The following MAP3K1 variants were observed in gnomAD, a reference collection of about 807,000 sequenced individuals.
MAP3K1 encodes the protein MAP/ERK kinase kinase 1.
A neutral mutation model predicts 144.2 loss-of-function variants in MAP3K1; 36 were observed. The observed-to-expected ratio is 0.25, with a 90% CI of 0.19 to 0.33. MAP3K1 has a LOEUF of 0.33. Ranked by LOEUF, MAP3K1 falls within the 10% of genes least tolerant of loss-of-function variation. The pLI is 1.00. For synonymous variants in MAP3K1, 718 were observed against 688.7 expected (o/e 1.04, Z -0.67); for missense variants, 1,650 against 1,881.9 (o/e 0.88, Z 2.28).
At chr5:56,864,594 G>A in intron 3 of MAP3K1, 140 bp from the exon 4 acceptor site, 1 of 781,102 alleles carries the variant, frequency 1.3e-6, no homozygotes. Flanking sequence ...CGGATGGTCT[G>A]GATCTCCTGA....
intron 1 of MAP3K1, among the ~76,000 whole-genome samples, chr5:56,818,606 C>T (rs922318907): frequency 2.0e-5 from 3 of 152,060 alleles, no homozygotes; most frequent in Admixed American, 1.3e-4. Context: ...CTGTAAGTGG[C>T]GCCCAAGGGT....
At position 56,884,701 on chromosome 5, in the gene MAP3K1, AAGT is replaced by A. The variant is rs1561202132; in HGVS notation, c.3863_3865del (p.Val1288del). The A allele has an allele frequency of 1.2e-6, 2 of 1,613,880 alleles. No homozygotes were observed. Among genetic ancestry groups the A allele is most frequent in the Non-Finnish European group, 8.5e-7 (1 of 1,179,876 alleles). ...AGAAACACATCTTCTGAGCAAGAAG[AAGT>A]AGTAGAAGCACTAAGAGAAGAGATA... is the stretch of plus-strand genomic sequence containing the variant. On this transcript the variant is annotated inframe_deletion, in exon 16 of 20. Coordinates refer to ENST00000399503, the MANE Select transcript of MAP3K1 (RefSeq NM_005921.2).
intron 1 of MAP3K1, among the ~76,000 whole-genome samples, chr5:56,851,229 A>G (rs756735725): frequency 9.9e-5 from 15 of 152,176 alleles, no homozygotes; most frequent in South Asian, 2.1e-4. Flanking sequence ...TACAGGCATG[A>G]GCCACCGTGC....
At chr5:56,845,938 G>GTA (rs1746980092) in intron 1 of MAP3K1, among the ~76,000 whole-genome samples, 2 of 152,178 alleles carry the variant, frequency 1.3e-5, no homozygotes, top group African/African-American at 4.8e-5. Flanking sequence ...TGGATGTTCT[G>GTA]AGTTTCTCCC....
rs1028851919 is a variant in MAP3K1, at chr5:56,869,480, G to A, written c.1302-2430G>A. Among the ~76,000 whole-genome samples the A allele has an allele frequency of 4.4e-5, 3 of 68,476 alleles. No homozygotes were observed. The East Asian group carries it at 8.6e-4, about 20-fold the overall frequency. 44.9% of individuals were successfully genotyped at this position (68,476 alleles called of 152,430 possible). A position where few individuals can be genotyped will look rare whatever the true frequency, so the allele number is the denominator to read the frequency against. On this transcript the variant is annotated intron_variant, in intron 6 of 19. Transcript: ENST00000399503. ...GTAAATTTTATGTTTTGCATATGTTGCCACAACAAAAAAAAGAATTATGTA... is the reference window on the plus strand; with the variant it reads ...GTAAATTTTATGTTTTGCATATGTTACCACAACAAAAAAAAGAATTATGTA...
Position 56,881,152 on chromosome 5 carries a change from A to G in MAP3K1, c.2249A>G (p.Asn750Ser). Residue 750 changes from asparagine to serine, a missense_variant, in exon 13 of 20, where the codon AAT (asparagine) becomes AGT (serine). Asn to Ser is a conservative substitution (Grantham distance 46). This residue lies in a region of MAP3K1 where 841 missense variants were observed against 886.5 expected (regional missense o/e 0.95). Transcript: ENST00000399503. ...CTTGGAAACCAAACTGAATCAAACA[A>G]TTGGCAAGAACTTCTTGGCCGCCTT... The part of the protein sequence containing the change: ...CILGNQTESN[N>S]WQELLGRLCL... 1 of 1,613,852 alleles carries G rather than the reference A, an allele frequency of 6.2e-7. No homozygotes were observed. Among genetic ancestry groups the G allele is most frequent in the South Asian group, 1.1e-5 (1 of 91,074 alleles).
At chr5:56,892,171 A>G (rs1295352452) in intron 19 of MAP3K1, among the ~76,000 whole-genome samples, 1 of 152,178 alleles carries the variant, frequency 6.6e-6, no homozygotes, top group Non-Finnish European at 1.5e-5. Flanking sequence ...ATGAGCATGG[A>G]ATGTTCTTCC....
rs77850809 is a variant in MAP3K1, at chr5:56,846,169, A to C, written c.483-10431A>C. 5.6e-3 allele frequency among the ~76,000 whole-genome samples: 851 copies of C among 152,346 alleles called. 2 individuals carry two copies. Among genetic ancestry groups the C allele is most frequent in the Non-Finnish European group, 8.6e-3 (587 of 68,032 alleles). ...TTTTTATATGTTTTCTAAGATGATGAATCATACAGAATCACCAAACTCATA... is the reference window on the plus strand; with the variant it reads ...TTTTTATATGTTTTCTAAGATGATGCATCATACAGAATCACCAAACTCATA... On this transcript the variant is annotated intron_variant, in intron 1 of 19. Coordinates refer to ENST00000399503, the MANE Select transcript of MAP3K1 (RefSeq NM_005921.2).
In MAP3K1 at chr5:56,880,786, A is replaced by G; in HGVS notation, c.2163A>G (p.Arg721=). The part of the protein sequence containing the change: ...KGQAGELAVG[R]EILKAGSIGI... Reference sequence around the variant, plus strand: ...AAGCAGGAGAGTTGGCAGTTGGCAGAGAAATACTAAAAGCTGGTAATAACT... The same window carrying G: ...AAGCAGGAGAGTTGGCAGTTGGCAGGGAAATACTAAAAGCTGGTAATAACT... The change falls in exon 12 of 20, where the codon AGA becomes AGG. Residue 721 remains arginine (R), a synonymous_variant. Transcript: ENST00000399503. 1 of 1,613,434 alleles carries G rather than the reference A, an allele frequency of 6.2e-7. No homozygotes were observed. Among genetic ancestry groups the G allele is most frequent in the Non-Finnish European group, 8.5e-7 (1 of 1,179,488 alleles).
chr5:56,881,007 AC>A (rs1485027685), intron 12 of MAP3K1, 75 bp from the exon 13 acceptor site: 23 of 1,296,234 alleles, frequency 1.8e-5, no homozygotes, highest in Non-Finnish European at 2.3e-5. Context: ...TTGGCCTTAC[AC>A]CATTTAATCA....
chr5:56,848,844 T>C (rs970990047), intron 1 of MAP3K1, among the ~76,000 whole-genome samples: 1 of 152,214 alleles, frequency 6.6e-6, no homozygotes, highest in African/African-American at 2.4e-5. Flanking sequence ...AAACTGCTTA[T>C]ATGTCTTGTT....
chr5:56,870,996 T>C (rs558493321), intron 6 of MAP3K1, among the ~76,000 whole-genome samples: 1 of 152,302 alleles, frequency 6.6e-6, no homozygotes, highest in South Asian at 2.1e-4. Flanking sequence ...GGCCAGATGT[T>C]ACCAATCTAT....
At chr5:56,877,654 C>T (rs1224742689) in intron 10 of MAP3K1, among the ~76,000 whole-genome samples, 1 of 151,968 alleles carries the variant, frequency 6.6e-6, no homozygotes, top group African/African-American at 2.4e-5. Flanking sequence ...ACATTAATCA[C>T]AATACTGTTT....
chr5:56,821,327 G>A (rs139525511), intron 1 of MAP3K1, among the ~76,000 whole-genome samples: 122 of 152,308 alleles, frequency 8.0e-4, no homozygotes, highest in African/African-American at 1.7e-3. Context: ...CTCACCAAGT[G>A]TATAATTCTG....
At chr5:56,888,522 A>G (rs1748451613) in intron 19 of MAP3K1, among the ~76,000 whole-genome samples, 165 bp downstream of exon 19, 1 of 152,226 alleles carries the variant, frequency 6.6e-6, no homozygotes, top group Admixed American at 6.5e-5. Context: ...TTACTTTAAG[A>G]TGGTGCAAAA....
chr5:56,838,807 A>G (rs868349214), intron 1 of MAP3K1, among the ~76,000 whole-genome samples: 2 of 152,218 alleles, frequency 1.3e-5, no homozygotes, highest in Non-Finnish European at 1.5e-5. Context: ...CCAGGTGTAG[A>G]AACAAAACCT....
intron 1 of MAP3K1, among the ~76,000 whole-genome samples, chr5:56,818,292 T>G (rs1746042988): frequency 6.6e-6 from 1 of 152,164 alleles, no homozygotes; most frequent in Non-Finnish European, 1.5e-5. Flanking sequence ...TACTTACCAT[T>G]TAAAGTTTTA....
In MAP3K1 at chr5:56,830,885, GT is replaced by G. The variant is rs148562148; in HGVS notation, c.482+14840del. Among the ~76,000 whole-genome samples the G allele has an allele frequency of 2.4e-3, 336 of 139,624 alleles. 1 individual carries two copies. Among genetic ancestry groups the G allele is most frequent in the African/African-American group, 7.3e-3 (283 of 38,590 alleles). The allele number at this position is 139,624 out of a possible 152,430, so 91.6% of individuals were successfully genotyped here. On this transcript the variant is annotated intron_variant, in intron 1 of 19. Transcript: ENST00000399503. Reference sequence around the variant, plus strand: ...AGAAAATTTTATGTTGTCATTTACTGTTTTTTTTTTAAATACCTAGTCTAGG... The same window carrying G: ...AGAAAATTTTATGTTGTCATTTACTGTTTTTTTTTAAATACCTAGTCTAGG...
intron 1 of MAP3K1, among the ~76,000 whole-genome samples, chr5:56,848,364 A>G (rs1009876522): frequency 2.0e-5 from 3 of 152,188 alleles, no homozygotes; most frequent in African/African-American, 7.2e-5. Context: ...TTTGTCCATC[A>G]TGAATGATGG....
Sources: allele counts gnomAD v4.1 joint callset (sites outside exome capture counted in the v4.1 genomes callset), GRCh38; gene constraint gnomAD v4.1.1; regional missense constraint gnomAD v4.1.1; transcripts MANE v1.5; gene names NCBI Gene and HGNC (gene_info 2026-07-23, HGNC 2026-07-21).